Variants in TCOF1 observed in about 807,000 individuals in gnomAD.
TCOF1 encodes treacle ribosome biogenesis factor 1.
A neutral mutation model predicts 149.0 loss-of-function variants in TCOF1; 33 were observed. The observed-to-expected ratio is 0.22, with a 90% confidence interval of 0.17 to 0.30. The LOEUF (loss-of-function observed/expected upper bound fraction) is 0.30. TCOF1 is among the 10% of genes least tolerant of loss of function. The pLI is 1.00. For missense variants in TCOF1, 1,728 were observed against 1,840.7 expected (o/e 0.94, Z 1.12); for synonymous variants, 789 against 738.8 (o/e 1.07, Z -1.10).
In TCOF1 at chr5:150,368,701, T is replaced by G. The variant is rs761871548; in HGVS notation, c.379-15T>G. On this transcript the variant is annotated splice_polypyrimidine_tract_variant and intron_variant, in intron 4 of 26. Transcript: ENST00000643257. The stretch of plus-strand genomic sequence containing the variant: ...ATGCCATACCAGATGTGTCTGTCAC[T>G]CTTGTTCTCTGTAGGCAGAGACAGA... 6.2e-7 allele frequency: 1 copy of G among 1,613,928 alleles called. No individual in the cohort carries two copies. Among genetic ancestry groups the G allele is most frequent in the South Asian group, 1.1e-5 (1 of 91,076 alleles).
At chr5:150,391,425 G>T in intron 19 of TCOF1, 119 bp from the exon 20 acceptor site, 1 of 883,996 alleles carries the variant, frequency 1.1e-6, no homozygotes, top group Admixed American at 1.7e-5. Flanking sequence ...TTGCCCCTTT[G>T]ACTGCCCCTC....
Position 150,374,954 on chromosome 5 carries a change from G to A in TCOF1, c.1279G>A (p.Ala427Thr). 6.2e-7 allele frequency: 1 copy of A among 1,613,010 alleles called. No homozygotes were observed. Among genetic ancestry groups the A allele is most frequent in the South Asian group, 1.1e-5 (1 of 91,044 alleles). ...CCCCTCATCCTGTTTCTCACTCCAG[G>A]CGAAGCCTTCAGGGAAGGCCCCCCA... ...SDSEEEAPAQAKPSGKAPQVR... is the reference protein window; with the variant it reads ...SDSEEEAPAQTKPSGKAPQVR... The change falls in exon 10 of 27, where the codon GCG becomes ACG. Residue 427 changes from alanine to threonine, a missense_variant and splice_region_variant. By Grantham distance (58) the Ala-to-Thr change is moderately conservative (BLOSUM62 0). Transcript: ENST00000643257.
At position 150,396,688 on chromosome 5, in the gene TCOF1, T is replaced by G. The variant is rs1768597416; in HGVS notation, c.4191T>G (p.Ser1397Arg). ...GGAAAGCAAAGAGAGACAAAGCAAG[T>G]GGTGATGTCAAGGAGAAGAAAGGGA... Reference protein sequence around the residue: ...SKGKAKRDKASGDVKEKKGKG... With the variant: ...SKGKAKRDKARGDVKEKKGKG... The change falls in exon 24 of 27, where the codon AGT becomes AGG. Residue 1397 changes from serine (S) to arginine (R), a missense_variant. Ser to Arg is a moderately radical substitution (Grantham distance 110, BLOSUM62 -1). Transcript: ENST00000643257. The G allele has an allele frequency of 6.2e-7, 1 of 1,611,434 alleles. No homozygotes were observed. Among genetic ancestry groups the G allele is most frequent in the Non-Finnish European group, 8.5e-7 (1 of 1,179,202 alleles).
At chr5:150,397,811 A>G (rs1581231035) in intron 24 of TCOF1, among the ~76,000 whole-genome samples, 1 of 152,246 alleles carries the variant, frequency 6.6e-6, no homozygotes, top group East Asian at 1.9e-4. Context: ...GAGTTGAGCT[A>G]AAGAAAAATG....
At position 150,374,156 on chromosome 5, in the gene TCOF1, C is replaced by T. The variant is rs1386446216; in HGVS notation, c.871-18C>T. 1.9e-6 allele frequency: 3 copies of T among 1,606,670 alleles called. No individual in the cohort carries two copies. Among genetic ancestry groups the T allele is most frequent in the Non-Finnish European group, 1.7e-6 (2 of 1,176,660 alleles). ...TTTTCACAAGCAGGAGAGCAAGCTG[C>T]CCTTTCTTTTTCACCAGGTAAAGGC... is the stretch of plus-strand genomic sequence containing the variant. On this transcript the variant is annotated intron_variant, in intron 7 of 26. Transcript: ENST00000643257.
intron 17 of TCOF1, chr5:150,384,009 G>C (rs1327233257): frequency 7.2e-7 from 1 of 1,381,268 alleles, no homozygotes; most frequent in African/African-American, 1.5e-5. Flanking sequence ...GCTCCCAGAA[G>C]CTTCTGCCAG....
intron 25 of TCOF1, 61 bp downstream of exon 25, chr5:150,398,512 C>T: frequency 2.5e-6 from 4 of 1,612,000 alleles, no homozygotes; most frequent in Non-Finnish European, 3.4e-6. Flanking sequence ...CCCCCTCCTA[C>T]ACACCCAGAC....
Position 150,379,044 on chromosome 5 carries a change from C to T in TCOF1, c.2478+2C>T. 1 of 1,613,914 alleles carries T rather than the reference C, an allele frequency of 6.2e-7. No homozygotes were observed. The highest frequency in any genetic ancestry group is 1.3e-5 in the African/African-American group (1 of 74,994). On this transcript the variant is annotated splice_donor_variant, in intron 15 of 26. Transcript: ENST00000643257. LOFTEE classifies it low-confidence loss of function (GC_TO_GT_DONOR). The stretch of plus-strand genomic sequence containing the variant: ...GCCAAGCAGAGGTCTCCATCCAAGG[C>T]AAGTGGGGCCAGAAGCCACAGGAGG...
chr5:150,374,724 A>G lies in TCOF1; in HGVS notation c.1191A>G (p.Ala397=), dbSNP rs1489056589. The G allele has an allele frequency of 5.6e-6, 9 of 1,613,094 alleles. No individual in the cohort carries two copies. Among genetic ancestry groups the G allele is most frequent in the Non-Finnish European group, 6.8e-6 (8 of 1,179,776 alleles). The part of the protein sequence containing the change: ...APAPPGKTGP[A]VAKAQAGKRE... ...CGCCCCCTGGGAAGACAGGGCCTGCAGTTGCCAAGGCCCAGGCGGGGAAGC... is the reference window on the plus strand; with the variant it reads ...CGCCCCCTGGGAAGACAGGGCCTGCGGTTGCCAAGGCCCAGGCGGGGAAGC... The change falls in exon 9 of 27, where the codon GCA becomes GCG. Residue 397 remains alanine (A), a synonymous_variant. Coordinates refer to ENST00000643257, the MANE Select transcript of TCOF1 (RefSeq NM_001371623.1).
At chr5:150,392,533 C>A in intron 21 of TCOF1, 172 bp from the exon 22 acceptor site, 1 of 668,710 alleles carries the variant, frequency 1.5e-6, no homozygotes, top group Non-Finnish European at 2.6e-6. Flanking sequence ...CATGCTGTGA[C>A]TAGCGATAAG....
chr5:150,372,271 C>T (rs1366330184), intron 7 of TCOF1, 35 bp downstream of exon 7: 2 of 1,565,256 alleles, frequency 1.3e-6, no homozygotes, highest in Admixed American at 1.9e-5. Context: ...CTTGGAGGAC[C>T]TGCGGGTCCC....
intron 17 of TCOF1, chr5:150,385,196 C>G (rs1441965880): frequency 1.5e-6 from 1 of 669,040 alleles, no homozygotes; most frequent in Non-Finnish European, 1.8e-6. Context: ...CCAACTTCTT[C>G]TATTAGTTTG....
chr5:150,395,237 T>A (rs1034744705), intron 23 of TCOF1, among the ~76,000 whole-genome samples: 1 of 152,156 alleles, frequency 6.6e-6, no homozygotes, highest in Admixed American at 6.5e-5. Flanking sequence ...GAGTACCACA[T>A]AGAGTGTGAC....
chr5:150,366,187 C>CAAA (rs922337871), intron 3 of TCOF1, among the ~76,000 whole-genome samples: 16 of 149,932 alleles, frequency 1.1e-4, no homozygotes, highest in Admixed American at 8.6e-4. Context: ...TCCGTCTCTG[C>CAAA]AAAAAATAAG....
At chr5:150,381,924 G>A (rs1164920280) in intron 17 of TCOF1, among the ~76,000 whole-genome samples, 4 of 152,154 alleles carry the variant, frequency 2.6e-5, no homozygotes, top group African/African-American at 9.7e-5. Flanking sequence ...GGCCAGGCAC[G>A]GTGGCTCACA....
At chr5:150,371,901 G>T (rs1762607751) in intron 6 of TCOF1, 105 bp from the exon 7 acceptor site, 4 of 1,054,182 alleles carry the variant, frequency 3.8e-6, no homozygotes, top group African/African-American at 3.2e-5. Flanking sequence ...TAAAAATCCA[G>T]TGACATTAGG....
chr5:150,388,841 G>A (rs538835243), intron 18 of TCOF1, among the ~76,000 whole-genome samples: 1 of 152,254 alleles, frequency 6.6e-6, no homozygotes, highest in East Asian at 1.9e-4. Flanking sequence ...TAAGCCACGA[G>A]AATCGCTTGA....
At position 150,361,138 on chromosome 5, in the gene TCOF1, C is replaced by G; in HGVS notation, c.109-18C>G. 6.2e-7 allele frequency: 1 copy of G among 1,614,112 alleles called. No homozygotes were observed. Among genetic ancestry groups the G allele is most frequent in the South Asian group, 1.1e-5 (1 of 91,080 alleles). On this transcript the variant is annotated intron_variant, in intron 1 of 26. Coordinates refer to ENST00000643257, the MANE Select transcript of TCOF1 (RefSeq NM_001371623.1). ...TGTGCTGGGGATTAATTGTGGCTTTCTCTTTACCTCTCTGCAGAAGTGTTT... is the reference window on the plus strand; with the variant it reads ...TGTGCTGGGGATTAATTGTGGCTTTGTCTTTACCTCTCTGCAGAAGTGTTT...
At chr5:150,374,066 G>C in intron 7 of TCOF1, 108 bp from the exon 8 acceptor site, 1 of 1,225,486 alleles carries the variant, frequency 8.2e-7, no homozygotes. Context: ...GGGGAGGGAA[G>C]CAGGGGAGGT....
Sources: gnomAD v4.1 joint callset for allele counts (sites outside exome capture counted in the v4.1 genomes callset) on GRCh38, gnomAD v4.1.1 for gene constraint, MANE v1.5 for transcripts, NCBI Gene and HGNC (gene_info 2026-07-23, HGNC 2026-07-21) for gene names.